QTMAN: variants seen among roughly 807,000 people sequenced by gnomAD.
QTMAN encodes queuosine-tRNA mannosyltransferase.
chr2:143,955,668 T>C, the QTMAN span, among the ~76,000 whole-genome samples: 1 of 152,188 alleles, frequency 6.6e-6, no homozygotes, highest in Admixed American at 6.5e-5. Context: ...AAAAGTTTGG[T>C]ACTTGGGCAT....
At chr2:144,033,812 A>C in the QTMAN span, among the ~76,000 whole-genome samples, 2 of 152,282 alleles carry the variant, frequency 1.3e-5, no homozygotes, top group Middle Eastern at 6.8e-3. Context: ...ACAACAAAAG[A>C]CACTCCTTTC....
the QTMAN span, among the ~76,000 whole-genome samples, chr2:144,272,711 A>ATGTG: frequency 6.6e-6 from 1 of 151,772 alleles, no homozygotes; most frequent in African/African-American, 2.4e-5. Flanking sequence ...AATCTACATT[A>ATGTG]TGTGTGTGTG....
the QTMAN span, among the ~76,000 whole-genome samples, chr2:144,319,346 G>C: frequency 6.6e-6 from 1 of 152,158 alleles, no homozygotes; most frequent in Middle Eastern, 3.4e-3. Context: ...AACCCTTTTA[G>C]TCAACAGATG....
At chr2:144,282,310 A>G in the QTMAN span, among the ~76,000 whole-genome samples, 2 of 151,718 alleles carry the variant, frequency 1.3e-5, no homozygotes, top group African/African-American at 4.8e-5. Context: ...AACTAGAGCA[A>G]CACTTATTTT....
At chr2:143,952,823 C>G in the QTMAN span, 1 of 1,607,412 alleles carries the variant, frequency 6.2e-7, no homozygotes, top group South Asian at 1.1e-5. Flanking sequence ...TGGGTAACAC[C>G]CACAGTACAC....
chr2:144,174,889 A>T, the QTMAN span, among the ~76,000 whole-genome samples: 8 of 152,154 alleles, frequency 5.3e-5, no homozygotes, highest in Admixed American at 2.6e-4. Context: ...TCTTCATAGG[A>T]GTATGAAAAT....
chr2:144,016,410 T>C, the QTMAN span, among the ~76,000 whole-genome samples: 3 of 152,186 alleles, frequency 2.0e-5, no homozygotes, highest in African/African-American at 2.4e-5. Flanking sequence ...ATGATGATAG[T>C]ATAGGACAAT....
chr2:144,138,935 G>A, the QTMAN span, among the ~76,000 whole-genome samples: 1 of 152,068 alleles, frequency 6.6e-6, no homozygotes, highest in Non-Finnish European at 1.5e-5. Flanking sequence ...TTTAGTCCAT[G>A]ATTATAGGAA....
the QTMAN span, among the ~76,000 whole-genome samples, chr2:143,970,348 C>T: frequency 5.8e-3 from 878 of 152,266 alleles, 12 homozygotes; most frequent in African/African-American, 0.021. Context: ...GGTTGTATAT[C>T]CAATTACAAA....
the QTMAN span, among the ~76,000 whole-genome samples, chr2:144,137,807 A>T: frequency 6.6e-6 from 1 of 152,140 alleles, no homozygotes; most frequent in Non-Finnish European, 1.5e-5. Context: ...TTTGGCTATG[A>T]CAATACACAT....
the QTMAN span, among the ~76,000 whole-genome samples, chr2:143,954,070 T>C: frequency 6.6e-6 from 1 of 151,266 alleles, no homozygotes; most frequent in Non-Finnish European, 1.5e-5. Flanking sequence ...GGTTACCAAT[T>C]ATTAATTTCA....
the QTMAN span, among the ~76,000 whole-genome samples, chr2:144,104,720 A>T: frequency 2.1e-4 from 32 of 152,356 alleles, no homozygotes; most frequent in African/African-American, 7.2e-4. Flanking sequence ...AAACCTCTGC[A>T]GACATAAATG....
chr2:144,252,255 G>A, the QTMAN span, among the ~76,000 whole-genome samples: 1 of 152,076 alleles, frequency 6.6e-6, no homozygotes, highest in African/African-American at 2.4e-5. Flanking sequence ...CACACCTGTA[G>A]TCCCAGTTAT....
At chr2:144,218,511 G>A in the QTMAN span, among the ~76,000 whole-genome samples, 2 of 152,146 alleles carry the variant, frequency 1.3e-5, no homozygotes, top group African/African-American at 4.8e-5. Context: ...AACTCAGACT[G>A]AGTTTGTGCA....
the QTMAN span, among the ~76,000 whole-genome samples, chr2:144,182,057 T>G: frequency 6.6e-6 from 1 of 152,034 alleles, no homozygotes; most frequent in Non-Finnish European, 1.5e-5. Flanking sequence ...ATGTAAGGGT[T>G]AAGTCATACA....
chr2:144,174,349 T>C, the QTMAN span, among the ~76,000 whole-genome samples: 1 of 152,216 alleles, frequency 6.6e-6, no homozygotes, highest in Non-Finnish European at 1.5e-5. Context: ...GGGGATGTCA[T>C]AGCCTCCCCC....
At chr2:144,183,616 A>G in the QTMAN span, among the ~76,000 whole-genome samples, 1 of 152,216 alleles carries the variant, frequency 6.6e-6, no homozygotes, top group Non-Finnish European at 1.5e-5. Flanking sequence ...ACATTAAAGC[A>G]TCATACTAAA....
chr2:144,215,813 T>A, the QTMAN span, among the ~76,000 whole-genome samples: 1 of 152,182 alleles, frequency 6.6e-6, no homozygotes, highest in Non-Finnish European at 1.5e-5. Flanking sequence ...CCCTTTTAAG[T>A]AGGTCTCCAT....
At chr2:144,205,237 T>C in the QTMAN span, among the ~76,000 whole-genome samples, 111 of 152,272 alleles carry the variant, frequency 7.3e-4, no homozygotes, top group African/African-American at 2.6e-3. Context: ...TCCAGGCACT[T>C]TGCAGCCTCC....
Sources: gnomAD v4.1 joint callset for allele counts (sites outside exome capture counted in the v4.1 genomes callset) on GRCh38, gnomAD v4.1.1 for gene constraint, MANE v1.5 for transcripts, NCBI Gene and HGNC (gene_info 2026-07-23, HGNC 2026-07-21) for gene names.